Variants in DLC1 observed in about 807,000 individuals in gnomAD.
The protein encoded by DLC1 is DLC1 Rho GTPase activating protein, also known as rho GTPase-activating protein 7.
Under a neutral mutation model 140.3 loss-of-function variants are expected in DLC1, and 54 were observed. The observed-to-expected ratio is 0.38, with a 90% CI of 0.31 to 0.48. The LOEUF (loss-of-function observed/expected upper bound fraction) is 0.48. DLC1 is among the 20% of genes least tolerant of loss of function. DLC1 has a pLI of 0.96. For synonymous variants in DLC1, 986 were observed against 728.1 expected (o/e 1.35, Z -5.70); for missense variants, 2,536 against 1,907.0 (o/e 1.33, Z -6.14).
intron 2 of DLC1, among the ~76,000 whole-genome samples, chr8:13,421,472 T>C (rs982029324): frequency 3.3e-5 from 5 of 152,112 alleles, no homozygotes; most frequent in Non-Finnish European, 7.4e-5. Context: ...CCTGAGTCCA[T>C]GGGTGAGATT....
intron 1 of DLC1, among the ~76,000 whole-genome samples, chr8:13,587,602 C>CAAAT (rs1554548663): frequency 7.0e-6 from 1 of 142,096 alleles, no homozygotes; most frequent in Non-Finnish European, 1.5e-5. Flanking sequence ...ATATACATTG[C>CAAAT]ATATATATAT....
intron 5 of DLC1, among the ~76,000 whole-genome samples, chr8:13,212,219 G>C (rs1460286194): frequency 6.6e-6 from 1 of 152,128 alleles, no homozygotes; most frequent in Admixed American, 6.6e-5. Flanking sequence ...AAAAATATCA[G>C]GATGACCAAC....
At chr8:13,490,135 T>C (rs1266974722) in intron 2 of DLC1, among the ~76,000 whole-genome samples, 1 of 152,210 alleles carries the variant, frequency 6.6e-6, no homozygotes, top group Non-Finnish European at 1.5e-5. Flanking sequence ...AGCCATTCAT[T>C]TTCTAGACCA....
chr8:13,518,050 A>T (rs1445270953), upstream of DLC1, among the ~76,000 whole-genome samples: 1 of 152,178 alleles, frequency 6.6e-6, no homozygotes, highest in Non-Finnish European at 1.5e-5. Context: ...ACTCTGTGGA[A>T]AGAAGAATAG....
At chr8:13,326,693 G>A (rs924284792) in intron 4 of DLC1, among the ~76,000 whole-genome samples, 14 of 152,136 alleles carry the variant, frequency 9.2e-5, no homozygotes, top group Admixed American at 7.2e-4. Flanking sequence ...AAACTTCAGC[G>A]TGCATTGGAA....
chr8:13,485,605 G>T (rs1022053797), intron 2 of DLC1, among the ~76,000 whole-genome samples: 2 of 152,160 alleles, frequency 1.3e-5, no homozygotes, highest in Non-Finnish European at 2.9e-5. Flanking sequence ...GACATCTCCT[G>T]AGTAAATCTG....
At chr8:13,112,476 C>G (rs1820197444) in intron 6 of DLC1, among the ~76,000 whole-genome samples, 1 of 151,946 alleles carries the variant, frequency 6.6e-6, no homozygotes, top group African/African-American at 2.4e-5. Context: ...TATAAGCAGA[C>G]CAAGGAAGTG....
intron 4 of DLC1, among the ~76,000 whole-genome samples, chr8:13,358,643 A>T (rs1220851120): frequency 2.0e-5 from 3 of 152,066 alleles, no homozygotes; most frequent in African/African-American, 7.2e-5. Context: ...CCATCACGAA[A>T]GTTTTCTAGT....
chr8:13,415,328 C>T (rs1029435846), intron 2 of DLC1, among the ~76,000 whole-genome samples: 1 of 151,960 alleles, frequency 6.6e-6, no homozygotes, highest in Non-Finnish European at 1.5e-5. Context: ...TTTCTTTAAG[C>T]ATAAGCATAT....
chr8:13,211,216 G>A (rs1001143515), intron 5 of DLC1, among the ~76,000 whole-genome samples: 1 of 152,180 alleles, frequency 6.6e-6, no homozygotes, highest in Non-Finnish European at 1.5e-5. Context: ...CAGGAAGTTT[G>A]TGAATAATAC....
intron 2 of DLC1, among the ~76,000 whole-genome samples, chr8:13,429,159 T>C (rs1487452005): frequency 6.6e-6 from 1 of 152,250 alleles, no homozygotes; most frequent in East Asian, 1.9e-4. Context: ...ATCAAACACC[T>C]GTATCAGAAA....
At chr8:13,524,469 A>C (rs979657786) in intron 1 of DLC1, among the ~76,000 whole-genome samples, 1 of 152,076 alleles carries the variant, frequency 6.6e-6, no homozygotes, top group Admixed American at 6.6e-5. Flanking sequence ...GCTTTTCGCT[A>C]TGTATTTTAA....
chr8:13,151,099 G>A (rs771777034), intron 5 of DLC1, among the ~76,000 whole-genome samples: 1 of 152,188 alleles, frequency 6.6e-6, no homozygotes, highest in Non-Finnish European at 1.5e-5. Context: ...AATTACAAGA[G>A]GAGAATGTGA....
At chr8:13,576,028 G>A (rs934532230) in intron 1 of DLC1, among the ~76,000 whole-genome samples, 15 of 152,314 alleles carry the variant, frequency 9.8e-5, no homozygotes, top group Admixed American at 8.5e-4. Context: ...GCAATGGCCT[G>A]TAAAAGTGCA....
At chr8:13,469,145 T>C (rs554641360) in intron 2 of DLC1, among the ~76,000 whole-genome samples, 2 of 152,310 alleles carry the variant, frequency 1.3e-5, no homozygotes, top group South Asian at 4.1e-4. Flanking sequence ...TCCCAGATTT[T>C]TGCTTGTATC....
At chr8:13,222,663 CTCT>C (rs1392935999) in intron 5 of DLC1, among the ~76,000 whole-genome samples, 2 of 152,118 alleles carry the variant, frequency 1.3e-5, no homozygotes, top group African/African-American at 4.8e-5. Context: ...ATACTCCATC[CTCT>C]TGTCTAGGTA....
chr8:13,089,316 A>C (rs111563334), intron 15 of DLC1, among the ~76,000 whole-genome samples: 1,682 of 150,410 alleles, frequency 0.011, 26 homozygotes, highest in South Asian at 0.037. Flanking sequence ...CCTATATCAG[A>C]GTGCATGCAA....
chr8:13,338,487 T>C (rs963389311), intron 4 of DLC1: 5 of 152,186 alleles, frequency 3.3e-5, no homozygotes, highest in Non-Finnish European at 7.3e-5. Context: ...CTCCTTACTG[T>C]AGTGGAACAT....
chr8:13,153,030 A>G (rs1442537), intron 5 of DLC1, among the ~76,000 whole-genome samples: 51,177 of 151,938 alleles, frequency 0.34, 9,858 homozygotes, highest in East Asian at 0.54. Flanking sequence ...CTTTGTGGAA[A>G]TACCCTATGC....
Sources: allele counts gnomAD v4.1 joint callset (sites outside exome capture counted in the v4.1 genomes callset), GRCh38; gene constraint gnomAD v4.1.1; transcripts MANE v1.5; gene names NCBI Gene and HGNC (gene_info 2026-07-23, HGNC 2026-07-21).